Variants in SLC35F3 observed in about 807,000 individuals in gnomAD.
SLC35F3 encodes the protein putative thiamine transporter SLC35F3.
A neutral mutation model predicts 49.9 loss-of-function variants in SLC35F3; 25 were observed. The observed-to-expected ratio is 0.50, with a 90% CI of 0.37 to 0.70. The LOEUF is 0.70. Among genes scored for constraint, SLC35F3 ranks in the 30% least tolerant of loss-of-function variants. The pLI, the probability that SLC35F3 is intolerant of heterozygous loss-of-function variation, is 0.00. For missense variants in SLC35F3, 525 were observed against 639.8 expected (o/e 0.82, Z 1.94); for synonymous variants, 275 against 265.4 (o/e 1.04, Z -0.35).
At chr1:233,908,865 A>AT (rs34305457) in intron 2 of SLC35F3, among the ~76,000 whole-genome samples, 18 of 142,116 alleles carry the variant, frequency 1.3e-4, no homozygotes, top group African/African-American at 2.6e-4. Flanking sequence ...AAATAATAGT[A>AT]TTTTTTTTTA....
chr1:233,963,189 G>A (rs901382224), intron 2 of SLC35F3, among the ~76,000 whole-genome samples: 1 of 152,156 alleles, frequency 6.6e-6, no homozygotes, highest in African/African-American at 2.4e-5. Flanking sequence ...GTCAATGTTG[G>A]GGGTGGGTAC....
At chr1:234,018,870 C>G (rs942406184) in intron 2 of SLC35F3, among the ~76,000 whole-genome samples, 3 of 152,178 alleles carry the variant, frequency 2.0e-5, no homozygotes, top group Admixed American at 1.3e-4. Flanking sequence ...TTCTTTCGCT[C>G]TAATATAATT....
chr1:234,148,836 G>C (rs1222591996), intron 2 of SLC35F3, among the ~76,000 whole-genome samples: 1 of 152,086 alleles, frequency 6.6e-6, no homozygotes, highest in East Asian at 1.9e-4. Context: ...CTGATGAACT[G>C]GATATGAGGG....
At chr1:233,980,838 T>C (rs1352034331) in intron 2 of SLC35F3, among the ~76,000 whole-genome samples, 1 of 152,206 alleles carries the variant, frequency 6.6e-6, no homozygotes, top group Non-Finnish European at 1.5e-5. Flanking sequence ...TAGGCAACAT[T>C]CATTGGGCAT....
At chr1:234,281,576 C>A (rs1668326237) in intron 3 of SLC35F3, among the ~76,000 whole-genome samples, 1 of 152,196 alleles carries the variant, frequency 6.6e-6, no homozygotes, top group Admixed American at 6.5e-5. Flanking sequence ...TTCAAAACAT[C>A]TCAGAACAAC....
At chr1:234,321,542 T>C (rs12023810) in intron 7 of SLC35F3, among the ~76,000 whole-genome samples, 2,325 of 152,278 alleles carry the variant, frequency 0.015, 116 homozygotes, top group East Asian at 0.1. Flanking sequence ...ATTCTTTGCA[T>C]CTTTAGTTTG....
At chr1:234,143,785 T>G (rs1665955436) in intron 2 of SLC35F3, among the ~76,000 whole-genome samples, 1 of 152,232 alleles carries the variant, frequency 6.6e-6, no homozygotes, top group East Asian at 1.9e-4. Context: ...TTAGGTTTAT[T>G]CCGTATCTTG....
chr1:234,083,529 A>C (rs1004639001), intron 2 of SLC35F3, among the ~76,000 whole-genome samples: 1 of 152,212 alleles, frequency 6.6e-6, no homozygotes, highest in Non-Finnish European at 1.5e-5. Context: ...TAGGGCTTCA[A>C]TAATGACTGC....
chr1:233,940,036 A>G (rs1412123760), intron 2 of SLC35F3, among the ~76,000 whole-genome samples: 1 of 152,138 alleles, frequency 6.6e-6, no homozygotes, highest in Non-Finnish European at 1.5e-5. Flanking sequence ...GGTGACCACT[A>G]TTTATATATT....
intron 1 of SLC35F3, 83 bp downstream of exon 1, chr1:233,905,213 T>G: frequency 6.9e-7 from 1 of 1,448,858 alleles, no homozygotes; most frequent in Non-Finnish European, 9.4e-7. Context: ...GCTGGGACAC[T>G]GGGCAGTCTG....
At position 234,214,417 on chromosome 1, in the gene SLC35F3, A is replaced by T; in HGVS notation, c.284-17000A>T. On this transcript the variant is annotated intron_variant, in intron 2 of 7. Coordinates refer to ENST00000366618, the MANE Select transcript of SLC35F3 (RefSeq NM_173508.4). This position sits in a 1 kb window ranked among gnomAD's most constrained non-coding sequence, Gnocchi z 8.0. ...CCGGCGGCAGAGGGCCGCGTCGGCC[A>T]CGGGCCCGGGAGAGACGCGCTCCAG... 1 of 1,416,988 alleles carries T rather than the reference A, an allele frequency of 7.1e-7. No homozygotes were observed. The highest frequency in any genetic ancestry group is 9.2e-7 in the Non-Finnish European group (1 of 1,082,192). 87.8% of individuals were successfully genotyped at this position (1,416,988 alleles called of 1,614,324 possible). A position where few individuals can be genotyped will look rare whatever the true frequency, so the allele number is the denominator to read the frequency against.
chr1:234,135,671 TC>T (rs1192662134), intron 2 of SLC35F3, among the ~76,000 whole-genome samples: 1 of 152,138 alleles, frequency 6.6e-6, no homozygotes, highest in Non-Finnish European at 1.5e-5. Flanking sequence ...ATGGTGTCTA[TC>T]CAGGAAGCTC....
chr1:234,282,323 C>T (rs1184142063), intron 3 of SLC35F3, among the ~76,000 whole-genome samples: 1 of 152,170 alleles, frequency 6.6e-6, no homozygotes, highest in African/African-American at 2.4e-5. Flanking sequence ...CCGTGTGAGC[C>T]TCTAGGCCCC....
At chr1:234,076,082 T>G (rs1664787623) in intron 2 of SLC35F3, among the ~76,000 whole-genome samples, 1 of 152,220 alleles carries the variant, frequency 6.6e-6, no homozygotes, top group East Asian at 1.9e-4. Context: ...CTGAAATGAT[T>G]GAGACCTGTC....
intron 4 of SLC35F3, among the ~76,000 whole-genome samples, chr1:234,310,277 T>C (rs1657313156): frequency 6.6e-6 from 1 of 152,142 alleles, no homozygotes; most frequent in Non-Finnish European, 1.5e-5. Flanking sequence ...GGCAGTCCCA[T>C]GAAAGTAAAC....
chr1:234,018,251 A>T (rs961114548), intron 2 of SLC35F3, among the ~76,000 whole-genome samples: 1 of 152,212 alleles, frequency 6.6e-6, no homozygotes, highest in African/African-American at 2.4e-5. Context: ...CACTGTATCT[A>T]ACATAATAAT....
At chr1:233,927,049 T>G (rs1400506508) in intron 2 of SLC35F3, among the ~76,000 whole-genome samples, 1 of 152,220 alleles carries the variant, frequency 6.6e-6, no homozygotes, top group Non-Finnish European at 1.5e-5. Flanking sequence ...CTTAGTAACA[T>G]GTACTTAAGG....
chr1:234,026,617 T>C (rs1377233887), intron 2 of SLC35F3, among the ~76,000 whole-genome samples: 1 of 152,082 alleles, frequency 6.6e-6, no homozygotes, highest in East Asian at 1.9e-4. Flanking sequence ...GTGTGGTGGC[T>C]TACACCTATA....
At chr1:233,970,760 C>T (rs1005499234) in intron 2 of SLC35F3, among the ~76,000 whole-genome samples, 1 of 152,146 alleles carries the variant, frequency 6.6e-6, no homozygotes, top group African/African-American at 2.4e-5. Flanking sequence ...CATCTGCAGG[C>T]TAAGGAGAGA....
Sources: allele counts gnomAD v4.1 joint callset (sites outside exome capture counted in the v4.1 genomes callset), GRCh38; gene constraint gnomAD v4.1.1; non-coding constraint Gnocchi (gnomAD v3.1); transcripts MANE v1.5; gene names NCBI Gene and HGNC (gene_info 2026-07-23, HGNC 2026-07-21).